The following CTDSPL variants were observed in gnomAD, a reference collection of about 807,000 sequenced individuals.
The protein encoded by CTDSPL is CTD small phosphatase-like protein.
A neutral mutation model predicts 30.5 loss-of-function variants in CTDSPL; 8 were observed. The observed-to-expected ratio is 0.26, with a 90% CI of 0.15 to 0.47. The LOEUF (loss-of-function observed/expected upper bound fraction) is 0.47, where lower values mean the gene tolerates loss of function less well. CTDSPL is among the 20% of genes least tolerant of loss of function. The pLI, the probability that CTDSPL is intolerant of heterozygous loss-of-function variation, is 0.99. For missense variants in CTDSPL, 248 were observed against 366.1 expected (o/e 0.68, Z 2.63); for synonymous variants, 110 against 137.9 (o/e 0.80, Z 1.42).
At chr3:37,891,339 A>T (rs1179762388) in intron 1 of CTDSPL, among the ~76,000 whole-genome samples, 1 of 152,190 alleles carries the variant, frequency 6.6e-6, no homozygotes, top group African/African-American at 2.4e-5. Flanking sequence ...GTGATATTCA[A>T]GCAGCCATTC....
At chr3:37,957,051 T>A (rs1487408013) in intron 2 of CTDSPL, 60 bp from the exon 3 acceptor site, 1 of 1,418,664 alleles carries the variant, frequency 7.0e-7, no homozygotes, top group Admixed American at 1.8e-5. Context: ...TTGAAGTTTC[T>A]TTTGAGAATA....
intron 1 of CTDSPL, among the ~76,000 whole-genome samples, chr3:37,942,401 G>A (rs769109940): frequency 4.0e-5 from 6 of 150,480 alleles, no homozygotes; most frequent in Non-Finnish European, 8.9e-5. Flanking sequence ...CCAGCACTTC[G>A]GGAGGCCGAG....
At chr3:37,936,779 C>T (rs931991048) in intron 1 of CTDSPL, among the ~76,000 whole-genome samples, 4 of 151,872 alleles carry the variant, frequency 2.6e-5, no homozygotes, top group Non-Finnish European at 5.9e-5. Flanking sequence ...GAAGAAATAG[C>T]CTTCACTTGG....
intron 1 of CTDSPL, among the ~76,000 whole-genome samples, chr3:37,917,516 G>A (rs1698663177): frequency 6.6e-6 from 1 of 152,178 alleles, no homozygotes; most frequent in Non-Finnish European, 1.5e-5. Flanking sequence ...CAATATAGAT[G>A]AATAAATTTA....
rs1699530930 is a variant in CTDSPL, at chr3:37,984,392, GT to G, written c.*3528del. The G allele has an allele frequency of 2.3e-6, 1 of 438,046 alleles. No individual in the cohort carries two copies. Among genetic ancestry groups the G allele is most frequent in the African/African-American group, 2.0e-5 (1 of 49,766 alleles). The allele number at this position is 438,046 out of a possible 1,614,324, so 27.1% of individuals were successfully genotyped here. On this transcript the variant is annotated 3_prime_UTR_variant, in exon 8 of 8. Coordinates refer to ENST00000273179, the MANE Select transcript of CTDSPL (RefSeq NM_001008392.2). ...GAAATGCTACATGCGGAATGTGCAC[GT>G]TTCCAGGGGCGAGTATTGTCAATCA...
At chr3:37,922,978 C>G (rs1274000226) in intron 1 of CTDSPL, among the ~76,000 whole-genome samples, 1 of 152,230 alleles carries the variant, frequency 6.6e-6, no homozygotes, top group East Asian at 1.9e-4. Flanking sequence ...AAGCTTCCTT[C>G]ACTACCCTGT....
chr3:37,898,553 C>T (rs555596153), intron 1 of CTDSPL, among the ~76,000 whole-genome samples: 4 of 152,250 alleles, frequency 2.6e-5, no homozygotes, highest in Admixed American at 6.5e-5. Flanking sequence ...CTACGAGCCC[C>T]GTGCCAAGAG....
At chr3:37,877,878 A>G (rs545320010) in intron 1 of CTDSPL, among the ~76,000 whole-genome samples, 1 of 152,146 alleles carries the variant, frequency 6.6e-6, no homozygotes, top group South Asian at 2.1e-4. Flanking sequence ...CTGATAACTC[A>G]TTTCCATGGG....
Position 37,981,988 on chromosome 3 carries a change from C to G in CTDSPL, c.*1121C>G. 1 of 438,584 alleles carries G rather than the reference C, an allele frequency of 2.3e-6. No individual in the cohort carries two copies. Among genetic ancestry groups the G allele is most frequent in the Non-Finnish European group, 4.6e-6 (1 of 215,394 alleles). The allele number at this position is 438,584 out of a possible 1,614,324, so 27.2% of individuals were successfully genotyped here. On this transcript the variant is annotated 3_prime_UTR_variant, in exon 8 of 8. Transcript: ENST00000273179. ...CGGACAGGGTCAGAAACAGAGGTGT[C>G]CCATCCCATTGCAGCCTCCACCACC...
intron 1 of CTDSPL, among the ~76,000 whole-genome samples, chr3:37,914,873 C>CTTTTATTTTTTTTTTTTTTTTT (rs1698626717): frequency 1.9e-5 from 1 of 51,284 alleles, no homozygotes; most frequent in Non-Finnish European, 3.6e-5. Flanking sequence ...TATATATGTT[C>CTTTTATTTTTTTTTTTTTTTTT]TTTTTTTTTT....
chr3:37,960,270 C>T (rs1204676076), intron 3 of CTDSPL, among the ~76,000 whole-genome samples: 6 of 151,654 alleles, frequency 4.0e-5, no homozygotes, highest in South Asian at 2.1e-4. Context: ...CACCTGAGGT[C>T]GGGAGTTCAA....
chr3:37,980,940 T>A lies in CTDSPL; in HGVS notation c.*73T>A, dbSNP rs1352525467. On this transcript the variant is annotated 3_prime_UTR_variant, in exon 8 of 8. Coordinates refer to ENST00000273179, the MANE Select transcript of CTDSPL (RefSeq NM_001008392.2). ...CTCAGGGGACCTGCCTGTCCTCAGC[T>A]CCCTGGGAGCTGAAAGTGAGGATAC... is the stretch of plus-strand genomic sequence containing the variant. The A allele has an allele frequency of 1.8e-5, 27 of 1,527,716 alleles. No homozygotes were observed. Among genetic ancestry groups the A allele is most frequent in the Non-Finnish European group, 2.4e-5 (27 of 1,126,492 alleles). 94.6% of individuals were successfully genotyped at this position (1,527,716 alleles called of 1,614,324 possible). A position where few individuals can be genotyped will look rare whatever the true frequency, so the allele number is the denominator to read the frequency against.
At chr3:37,871,486 C>T (rs1198026559) in intron 1 of CTDSPL, among the ~76,000 whole-genome samples, 1 of 152,114 alleles carries the variant, frequency 6.6e-6, no homozygotes, top group Non-Finnish European at 1.5e-5. Flanking sequence ...AACATGATTG[C>T]TGGTTTGTAT....
At chr3:37,951,760 TA>T (rs1699110782) in intron 2 of CTDSPL, among the ~76,000 whole-genome samples, 1 of 151,644 alleles carries the variant, frequency 6.6e-6, no homozygotes, top group African/African-American at 2.4e-5. Context: ...AATTAGAAAA[TA>T]GATCTTTAAA....
chr3:37,905,337 A>G (rs1323411868), intron 1 of CTDSPL, among the ~76,000 whole-genome samples: 1 of 152,184 alleles, frequency 6.6e-6, no homozygotes, highest in Admixed American at 6.5e-5. Context: ...TTGATCTTTG[A>G]TTTTGAATTT....
chr3:37,898,527 A>G (rs1698413534), intron 1 of CTDSPL, among the ~76,000 whole-genome samples: 6 of 152,204 alleles, frequency 3.9e-5, no homozygotes, highest in Admixed American at 3.9e-4. Flanking sequence ...TACTAGTGCC[A>G]TCTATTGAGT....
Position 37,964,691 on chromosome 3 carries a change from A to C in CTDSPL, c.369+19A>C. 6.4e-7 allele frequency: 1 copy of C among 1,550,748 alleles called. No homozygotes were observed. The highest frequency in any genetic ancestry group is 8.9e-7 in the Non-Finnish European group (1 of 1,125,636). ...GTTTAAGGTAAATCAACATAAAAAA[A>C]AAATCCATGATCTTTGTGATTTGAT... On this transcript the variant is annotated intron_variant, in intron 4 of 7. Transcript: ENST00000273179.
At chr3:37,944,607 C>A (rs1456800253) in intron 1 of CTDSPL, 2 of 150,178 alleles carry the variant, frequency 1.3e-5, no homozygotes, top group Non-Finnish European at 3.0e-5. Context: ...CTTCCATTTA[C>A]CCTTCCCACT....
Position 37,884,713 on chromosome 3 carries a change from A to G in CTDSPL, c.79+22435A>G, listed in dbSNP as rs530304533. 4.6e-5 allele frequency among the ~76,000 whole-genome samples: 7 copies of G among 152,332 alleles called. No individual in the cohort carries two copies. The East Asian group carries it at 1.3e-3, about 29-fold the overall frequency. On this transcript the variant is annotated intron_variant, in intron 1 of 7. Coordinates refer to ENST00000273179, the MANE Select transcript of CTDSPL (RefSeq NM_001008392.2). ...ACTCAGACACAGAAGTTACCCTTAA[A>G]GGGACAGGACAATATTTCTTTCCAG...
Sources: allele counts gnomAD v4.1 joint callset (sites outside exome capture counted in the v4.1 genomes callset), GRCh38; gene constraint gnomAD v4.1.1; transcripts MANE v1.5; gene names NCBI Gene and HGNC (gene_info 2026-07-23, HGNC 2026-07-21).